Variants in PRRC1 observed in about 807,000 individuals in gnomAD.
The protein encoded by PRRC1 is proline rich coiled-coil 1, also known as protein PRRC1.
In PRRC1, 39 loss-of-function variants were observed where a neutral mutation model predicts 40.7. The observed-to-expected ratio is 0.96, with a 90% CI of 0.74 to 1.25. PRRC1 has a LOEUF of 1.25. Among genes scored for constraint, PRRC1 ranks in the 50% most tolerant of loss-of-function variants. The pLI, the probability that PRRC1 is intolerant of heterozygous loss-of-function variation, is 0.00. For missense variants in PRRC1, 573 were observed against 548.3 expected, an observed-to-expected ratio of 1.05 and a Z score of -0.45; for synonymous variants, 175 against 193.3, an observed-to-expected ratio of 0.91 and a Z score of 0.79.
Position 127,539,096 on chromosome 5 carries a change from G to C in PRRC1, c.978G>C (p.Gln326His). ...GAACTGGGGTGATCCATGAAAAACAGACAGCTGTGTCAGTAGAAAACTTCA... is the reference window on the plus strand; with the variant it reads ...GAACTGGGGTGATCCATGAAAAACACACAGCTGTGTCAGTAGAAAACTTCA... ...LRRTGVIHEK[Q>H]TAVSVENFIA... Residue 326 changes from glutamine (Q) to histidine (H), a missense_variant, in exon 7 of 9, where the codon CAG becomes CAC. Transcript: ENST00000296666. 5 of 1,613,046 alleles carry C rather than the reference G, an allele frequency of 3.1e-6. No individual in the cohort carries two copies. The highest frequency in any genetic ancestry group is 4.2e-6 in the Non-Finnish European group (5 of 1,179,106).
At chr5:127,525,016 T>C (rs1486949953) in intron 3 of PRRC1, 96 bp downstream of exon 3, 2 of 1,216,094 alleles carry the variant, frequency 1.6e-6, no homozygotes, top group Non-Finnish European at 2.2e-6. Context: ...TTATGTACTC[T>C]ACAATTCACC....
chr5:127,547,013 G>A (rs762063179), intron 7 of PRRC1, among the ~76,000 whole-genome samples: 33 of 151,954 alleles, frequency 2.2e-4, no homozygotes, highest in Non-Finnish European at 4.0e-4. Flanking sequence ...TTTTGAATGT[G>A]TAAATAAAAG....
At chr5:127,520,402 A>G (rs1767427594) in intron 1 of PRRC1, among the ~76,000 whole-genome samples, 1 of 152,242 alleles carries the variant, frequency 6.6e-6, no homozygotes, top group African/African-American at 2.4e-5. Flanking sequence ...CAAAAAATAA[A>G]TATGAATTGC....
chr5:127,539,125 C>T lies in PRRC1; in HGVS notation c.1007C>T (p.Ala336Val). ...GCTGTGTCAGTAGAAAACTTCATTG[C>T]AGAATTGCTGCCTGACAAGTAAGTG... ...QTAVSVENFI[A>V]ELLPDKWFDI... The change falls in exon 7 of 9, where the codon GCA becomes GTA. Residue 336 changes from alanine to valine, a missense_variant. Coordinates refer to ENST00000296666, the MANE Select transcript of PRRC1 (RefSeq NM_130809.5). 6.2e-7 allele frequency: 1 copy of T among 1,612,444 alleles called. No individual in the cohort carries two copies. Among genetic ancestry groups the T allele is most frequent in the South Asian group, 1.1e-5 (1 of 91,034 alleles).
chr5:127,533,532 T>C (rs1225880533), intron 5 of PRRC1, 91 bp from the exon 6 acceptor site: 4 of 995,626 alleles, frequency 4.0e-6, no homozygotes, highest in Non-Finnish European at 6.0e-6. Context: ...GTAATAATTA[T>C]GTATATTAGA....
rs578009678 is a variant in PRRC1, at chr5:127,541,481, T to C, written c.1025+2338T>C. ...TTCCTCCTTGTACCTCTGGTAGAAT[T>C]CGGCTGTGAATCCATCTGGTCCTGT... On this transcript the variant is annotated intron_variant, in intron 7 of 8. Transcript: ENST00000296666. 3.9e-5 allele frequency among the ~76,000 whole-genome samples: 6 copies of C among 152,132 alleles called. No individual in the cohort carries two copies. In the South Asian group the frequency reaches 6.2e-4, roughly 16 times the overall value.
rs943858233 is a variant in PRRC1, at chr5:127,553,698, C to G, written c.*1782C>G. ...GAAATCTTACAGATTCTAAAAATAC[C>G]TTAATTTTTCTTTGATTTTTATTTT... On this transcript the variant is annotated 3_prime_UTR_variant, in exon 9 of 9. Transcript: ENST00000296666. 3 of 1,490,662 alleles carry G rather than the reference C, an allele frequency of 2.0e-6. No homozygotes were observed. The African/African-American group carries it at 4.3e-5, about 21-fold the overall frequency. The allele number at this position is 1,490,662 out of a possible 1,614,324, so 92.3% of individuals were successfully genotyped here.
intron 8 of PRRC1, chr5:127,551,473 C>G (rs1768379030): frequency 8.3e-6 from 4 of 481,840 alleles, no homozygotes; most frequent in Non-Finnish European, 1.5e-5. Flanking sequence ...CTCAAACCTT[C>G]CGACTGTTAG....
rs554236139 is a variant in PRRC1 at position 127,526,341 on chromosome 5, A to AT, written c.494-276dup. Among the ~76,000 whole-genome samples, 30 of 152,346 alleles carry AT rather than the reference A, an allele frequency of 2.0e-4. 1 individual carries two copies. In the South Asian group the frequency reaches 6.2e-3, roughly 32 times the overall value. Reference sequence around the variant, plus strand: ...AAAGAGACCTGAACTACAGCCGTTCATATCCAAGTGCTGAATAGGACAGAC... The same window carrying AT: ...AAAGAGACCTGAACTACAGCCGTTCATTATCCAAGTGCTGAATAGGACAGAC... On this transcript the variant is annotated intron_variant, in intron 3 of 8. Coordinates refer to ENST00000296666, the MANE Select transcript of PRRC1 (RefSeq NM_130809.5).
intron 5 of PRRC1, among the ~76,000 whole-genome samples, chr5:127,532,126 T>C (rs1423812738): frequency 6.6e-6 from 1 of 151,872 alleles, no homozygotes; most frequent in African/African-American, 2.4e-5. Flanking sequence ...TGTTTTTTTT[T>C]TGAGGTGGAG....
intron 1 of PRRC1, among the ~76,000 whole-genome samples, chr5:127,519,245 G>T (rs900389489): frequency 2.0e-5 from 3 of 152,102 alleles, no homozygotes; most frequent in Admixed American, 6.5e-5. Flanking sequence ...CTCCAAAGGG[G>T]CATTTCTATC....
rs1265705177 is a variant in PRRC1, at chr5:127,554,469, G to A, written c.*2553G>A. On this transcript the variant is annotated 3_prime_UTR_variant, in exon 9 of 9. Coordinates refer to ENST00000296666, the MANE Select transcript of PRRC1 (RefSeq NM_130809.5). ...TAAGCTTGTACACAATATTTAATTA[G>A]TGTGAAAGGAAACAAAGAATGCAGG... is the stretch of plus-strand genomic sequence containing the variant. 6.6e-6 allele frequency: 1 copy of A among 151,296 alleles called. No homozygotes were observed. The highest frequency in any genetic ancestry group is 2.4e-5 in the African/African-American group (1 of 41,116). The allele number at this position is 151,296 out of a possible 1,614,324, so 9.4% of individuals were successfully genotyped here.
chr5:127,526,767 G>A lies in PRRC1; in HGVS notation c.643G>A (p.Gly215Ser). ...QDEASAGGIWGFIKGVAGNPM... is the reference protein window; with the variant it reads ...QDEASAGGIWSFIKGVAGNPM... ...TGAAGCATCTGCTGGTGGAATCTGG[G>A]GTTTTATTAAGGTAAGACGTGTTTA... Residue 215 changes from glycine (G) to serine (S), a missense_variant, in exon 4 of 9, where the codon GGT becomes AGT. Physicochemically the swap from Gly to Ser is moderately conservative, Grantham distance 56. Transcript: ENST00000296666. 6.2e-7 allele frequency: 1 copy of A among 1,603,488 alleles called. No homozygotes were observed. Among genetic ancestry groups the A allele is most frequent in the Non-Finnish European group, 8.5e-7 (1 of 1,175,198 alleles).
intron 8 of PRRC1, 41 bp downstream of exon 8, chr5:127,547,962 A>C: frequency 8.3e-7 from 1 of 1,201,566 alleles, no homozygotes; most frequent in Non-Finnish European, 1.2e-6. Context: ...CTCCAGAGAA[A>C]CTTACACTAT....
chr5:127,553,153 A>T lies in PRRC1; in HGVS notation c.*1237A>T. 1 of 975,146 alleles carries T rather than the reference A, an allele frequency of 1.0e-6. No homozygotes were observed. The highest frequency in any genetic ancestry group is 1.2e-6 in the Non-Finnish European group (1 of 820,718). The allele number at this position is 975,146 out of a possible 1,614,324, so 60.4% of individuals were successfully genotyped here. A position where few individuals can be genotyped will look rare whatever the true frequency, so the allele number is the denominator to read the frequency against. ...TTTACTCTTCTATACAGTTCTTTAG[A>T]TGTAAAAGAATTAGCACAATCTCTG... is the stretch of plus-strand genomic sequence containing the variant. On this transcript the variant is annotated 3_prime_UTR_variant, in exon 9 of 9. Transcript: ENST00000296666.
At position 127,552,055 on chromosome 5, in the gene PRRC1, T is replaced by C; in HGVS notation, c.*139T>C. ...TTTCCTGTAGCCTGCAATTTTTCTT[T>C]CTCTAGAAAGGCATCATGTCATTCC... is the stretch of plus-strand genomic sequence containing the variant. On this transcript the variant is annotated 3_prime_UTR_variant, in exon 9 of 9. Transcript: ENST00000296666. 1 of 1,447,204 alleles carries C rather than the reference T, an allele frequency of 6.9e-7. No homozygotes were observed. Among genetic ancestry groups the C allele is most frequent in the Non-Finnish European group, 9.1e-7 (1 of 1,100,702 alleles). The allele number at this position is 1,447,204 out of a possible 1,614,324, so 89.6% of individuals were successfully genotyped here. A position where few individuals can be genotyped will look rare whatever the true frequency, so the allele number is the denominator to read the frequency against.
At position 127,547,852 on chromosome 5, in the gene PRRC1, T is replaced by A; in HGVS notation, c.1059T>A (p.Asp353Glu). Residue 353 changes from aspartate (D) to glutamate (E), a missense_variant, in exon 8 of 9, where the codon GAT (aspartate) becomes GAA (glutamate). Physicochemically the swap from Asp to Glu is conservative, Grantham distance 45. Transcript: ENST00000296666. ...ACATTGGTTGTTTGGTGGTTGAAGA[T>A]CCTGTCCATGGCATTCATCTAGAAA... ...WFDIGCLVVE[D>E]PVHGIHLETF... 6.2e-7 allele frequency: 1 copy of A among 1,613,462 alleles called. No homozygotes were observed. Among genetic ancestry groups the A allele is most frequent in the Non-Finnish European group, 8.5e-7 (1 of 1,179,598 alleles).
intron 7 of PRRC1, among the ~76,000 whole-genome samples, chr5:127,543,161 G>T (rs1018127316): frequency 1.3e-5 from 2 of 152,024 alleles, no homozygotes; most frequent in Non-Finnish European, 2.9e-5. Flanking sequence ...TGAAATTCTG[G>T]GTTGAAAATT....
intron 8 of PRRC1, chr5:127,548,222 T>G: frequency 7.7e-6 from 4 of 522,718 alleles, no homozygotes. Context: ...CTTTTCTAGT[T>G]GTTTTATGTC....
Sources: allele counts gnomAD v4.1 joint callset (sites outside exome capture counted in the v4.1 genomes callset), GRCh38; gene constraint gnomAD v4.1.1; transcripts MANE v1.5; gene names NCBI Gene and HGNC (gene_info 2026-07-23, HGNC 2026-07-21).